HTR6: variants seen among roughly 807,000 people sequenced by gnomAD.
HTR6 encodes the protein 5-hydroxytryptamine (serotonin) receptor 6, G protein-coupled.
Under a neutral mutation model 17.4 loss-of-function variants are expected in HTR6, and 15 were observed. The observed-to-expected ratio is 0.86, with a 90% confidence interval of 0.58 to 1.33. The LOEUF is 1.33. Ranked by LOEUF, HTR6 falls within the 40% of genes most tolerant of loss-of-function variation. HTR6 has a pLI of 0.00. For synonymous variants in HTR6, 326 were observed against 295.5 expected, an observed-to-expected ratio of 1.10 and a Z score of -1.06; for missense variants, 578 against 616.0, an observed-to-expected ratio of 0.94 and a Z score of 0.65.
chr1:19,667,760 G>A (rs1221591432), intron 1 of HTR6, among the ~76,000 whole-genome samples: 3 of 152,218 alleles, frequency 2.0e-5, no homozygotes, highest in Non-Finnish European at 4.4e-5. Context: ...GTGAGTGCCT[G>A]CTCTTGCCAT....
chr1:19,665,685 C>A lies in HTR6; in HGVS notation c.-69C>A. Reference sequence around the variant, plus strand: ...TCACGGACGGTCCCCGTCCAGCCTGCGCTTCGCCGGGGCCCTCATCTGCTT... The same window carrying A: ...TCACGGACGGTCCCCGTCCAGCCTGAGCTTCGCCGGGGCCCTCATCTGCTT... On this transcript the variant is annotated 5_prime_UTR_variant, in exon 1 of 3. Coordinates refer to ENST00000289753, the MANE Select transcript of HTR6 (RefSeq NM_000871.3). This position sits in a 1 kb window ranked among gnomAD's most constrained non-coding sequence, Gnocchi z 4.2. 2.8e-6 allele frequency: 3 copies of A among 1,059,852 alleles called. No homozygotes were observed. Among genetic ancestry groups the A allele is most frequent in the Non-Finnish European group, 4.0e-6 (3 of 747,750 alleles). The allele number at this position is 1,059,852 out of a possible 1,614,324, so 65.7% of individuals were successfully genotyped here. A position where few individuals can be genotyped will look rare whatever the true frequency, so the allele number is the denominator to read the frequency against.
At chr1:19,678,482 T>C in intron 1 of HTR6, 85 bp from the exon 2 acceptor site, 1 of 1,517,230 alleles carries the variant, frequency 6.6e-7, no homozygotes, top group Non-Finnish European at 9.1e-7. Flanking sequence ...AGTCTAGAAT[T>C]AGGATTGAAG....
intron 1 of HTR6, among the ~76,000 whole-genome samples, chr1:19,677,902 G>C (rs1460223512): frequency 6.6e-6 from 1 of 152,158 alleles, no homozygotes; most frequent in African/African-American, 2.4e-5. Flanking sequence ...ACCACGCCTG[G>C]CTAATTTTTG....
At chr1:19,671,270 A>G (rs1475625569) in intron 1 of HTR6, among the ~76,000 whole-genome samples, 1 of 152,210 alleles carries the variant, frequency 6.6e-6, no homozygotes, top group Non-Finnish European at 1.5e-5. Context: ...TGGTTAGGCC[A>G]GCGCCTTACT....
At chr1:19,676,123 C>T (rs2095094138) in intron 1 of HTR6, among the ~76,000 whole-genome samples, 1 of 152,118 alleles carries the variant, frequency 6.6e-6, no homozygotes. Context: ...TCAAAATCAC[C>T]CCAACCTCAC....
chr1:19,679,371 C>G lies in HTR6; in HGVS notation c.*3C>G. The G allele has an allele frequency of 6.3e-7, 1 of 1,577,228 alleles. No homozygotes were observed. Among genetic ancestry groups the G allele is most frequent in the Non-Finnish European group, 8.6e-7 (1 of 1,159,474 alleles). On this transcript the variant is annotated 3_prime_UTR_variant, in exon 3 of 3. Transcript: ENST00000289753. This position sits in a 1 kb window ranked among gnomAD's most constrained non-coding sequence, Gnocchi z 4.9. ...CACTTGGCATCCCCACGAACTGACCCGGGCTTGGGGCTGGCCAATGGGGAG... is the reference window on the plus strand; with the variant it reads ...CACTTGGCATCCCCACGAACTGACCGGGGCTTGGGGCTGGCCAATGGGGAG...
At chr1:19,669,658 G>C (rs933014451) in intron 1 of HTR6, among the ~76,000 whole-genome samples, 2 of 152,148 alleles carry the variant, frequency 1.3e-5, no homozygotes, top group Non-Finnish European at 2.9e-5. Flanking sequence ...GGCATCCCTA[G>C]TCCTCAGTCC....
chr1:19,679,157 C>G lies in HTR6; in HGVS notation c.1112C>G (p.Pro371Arg), dbSNP rs764518966. ...RPGLSLQQVL[P>R]LPLPPDSDSD... ...GGCCTTAGCCTACAGCAGGTGCTGC[C>G]GCTGCCCCTGCCGCCGGACTCAGAT... Residue 371 changes from proline to arginine, a missense_variant, in exon 3 of 3, where the codon CCG becomes CGG. Coordinates refer to ENST00000289753, the MANE Select transcript of HTR6 (RefSeq NM_000871.3). The surrounding 1 kb of genome is among the most constrained non-coding windows in gnomAD (Gnocchi z 4.9). 2 of 1,602,602 alleles carry G rather than the reference C, an allele frequency of 1.2e-6. No individual in the cohort carries two copies. The highest frequency in any genetic ancestry group is 1.1e-5 in the South Asian group (1 of 90,318).
At chr1:19,672,357 C>T (rs971601715) in intron 1 of HTR6, among the ~76,000 whole-genome samples, 1 of 152,090 alleles carries the variant, frequency 6.6e-6, no homozygotes, top group South Asian at 2.1e-4. Context: ...CCCAACTAAG[C>T]GTCATTCTGT....
In HTR6 at chr1:19,666,030, GTGCTGGCGCGCGGCCTC is replaced by G; in HGVS notation, c.281_297del (p.Leu94ProfsTer152). ...GCTGAACGCGCTGTACGGGCGCTGGGTGCTGGCGCGCGGCCTCTGCCTGCTCTGGACCGCCTTCGACG... is the reference window on the plus strand; with the variant it reads ...GCTGAACGCGCTGTACGGGCGCTGGGTGCCTGCTCTGGACCGCCTTCGACG... On this transcript the variant is annotated frameshift_variant, in exon 1 of 3. Coordinates refer to ENST00000289753, the MANE Select transcript of HTR6 (RefSeq NM_000871.3). LOFTEE classifies it high-confidence loss of function. This position sits in a 1 kb window ranked among gnomAD's most constrained non-coding sequence, Gnocchi z 4.5. 1 of 1,613,670 alleles carries G rather than the reference GTGCTGGCGCGCGGCCTC, an allele frequency of 6.2e-7. No homozygotes were observed. Among genetic ancestry groups the G allele is most frequent in the South Asian group, 1.1e-5 (1 of 91,060 alleles).
rs201812903 is a variant in HTR6, at chr1:19,678,914, C to T, written c.874-5C>T. On this transcript the variant is annotated splice_region_variant and splice_polypyrimidine_tract_variant and intron_variant, in intron 2 of 2. Transcript: ENST00000289753. Reference sequence around the variant, plus strand: ...GACCAGGCATGATGCATCCCCTCCCCCCAGGCCGTGTGCGACTGCATCTCC... The same window carrying T: ...GACCAGGCATGATGCATCCCCTCCCTCCAGGCCGTGTGCGACTGCATCTCC... 5.8e-5 allele frequency: 93 copies of T among 1,589,790 alleles called. No individual in the cohort carries two copies. Among genetic ancestry groups the T allele is most frequent in the Non-Finnish European group, 7.6e-5 (89 of 1,164,410 alleles).
intron 1 of HTR6, among the ~76,000 whole-genome samples, chr1:19,669,890 C>A (rs925749769): frequency 1.3e-5 from 2 of 152,072 alleles, no homozygotes; most frequent in African/African-American, 2.4e-5. Flanking sequence ...CTAGCCTCGG[C>A]CTCCCAAAGT....
chr1:19,678,239 G>T (rs1034802965), intron 1 of HTR6, among the ~76,000 whole-genome samples: 2 of 152,226 alleles, frequency 1.3e-5, no homozygotes, highest in Non-Finnish European at 2.9e-5. Flanking sequence ...TCAGGGCTCA[G>T]TGTGGGACCA....
rs763506070 is a variant in HTR6, at chr1:19,666,518, C to A, written c.714+51C>A. The stretch of plus-strand genomic sequence containing the variant: ...GGGCTGTGGGATAGAGAGGAATGAG[C>A]AGCCCCTGGGGACCCCCTGGGCATC... On this transcript the variant is annotated intron_variant, in intron 1 of 2. Coordinates refer to ENST00000289753, the MANE Select transcript of HTR6 (RefSeq NM_000871.3). This position sits in a 1 kb window ranked among gnomAD's most constrained non-coding sequence, Gnocchi z 4.5. 9.9e-6 allele frequency: 14 copies of A among 1,412,718 alleles called. No homozygotes were observed. Among genetic ancestry groups the A allele is most frequent in the Non-Finnish European group, 1.3e-5 (14 of 1,042,772 alleles). The allele number at this position is 1,412,718 out of a possible 1,614,324, so 87.5% of individuals were successfully genotyped here.
chr1:19,680,245 G>T lies in HTR6; in HGVS notation c.*877G>T, dbSNP rs1162465733. On this transcript the variant is annotated 3_prime_UTR_variant, in exon 3 of 3. Coordinates refer to ENST00000289753, the MANE Select transcript of HTR6 (RefSeq NM_000871.3). ...TGTTGTTACGACCCCCGGCTATCCA[G>T]CCCCCTGGCCTCTCCGGCTGTGTGT... Among the ~76,000 whole-genome samples, 1 of 152,212 alleles carries T rather than the reference G, an allele frequency of 6.6e-6. No individual in the cohort carries two copies. The highest frequency in any genetic ancestry group is 2.4e-5 in the African/African-American group (1 of 41,448).
intron 1 of HTR6, among the ~76,000 whole-genome samples, chr1:19,669,788 G>C (rs962178249): frequency 6.6e-6 from 1 of 152,136 alleles, no homozygotes; most frequent in African/African-American, 2.4e-5. Context: ...GGCACGTGCT[G>C]CCACGCCCAG....
At chr1:19,670,962 C>T (rs533878468) in intron 1 of HTR6, among the ~76,000 whole-genome samples, 6 of 152,176 alleles carry the variant, frequency 3.9e-5, no homozygotes, top group East Asian at 1.9e-4. Context: ...AACTTTTTAT[C>T]GTGTGAATTC....
intron 1 of HTR6, among the ~76,000 whole-genome samples, chr1:19,675,005 G>T (rs1464501925): frequency 6.6e-6 from 1 of 152,256 alleles, no homozygotes; most frequent in Non-Finnish European, 1.5e-5. Flanking sequence ...AGATGCCGGG[G>T]TGTGGACTAG....
chr1:19,675,230 G>A (rs1490896947), intron 1 of HTR6, among the ~76,000 whole-genome samples: 3 of 152,206 alleles, frequency 2.0e-5, no homozygotes, highest in African/African-American at 7.2e-5. Flanking sequence ...GCCTCTCCGA[G>A]CCTCAGTTGT....
Sources: gnomAD v4.1 joint callset for allele counts (sites outside exome capture counted in the v4.1 genomes callset) on GRCh38, gnomAD v4.1.1 for gene constraint, Gnocchi (gnomAD v3.1) non-coding constraint, MANE v1.5 for transcripts, NCBI Gene and HGNC (gene_info 2026-07-23, HGNC 2026-07-21) for gene names.